The following KCNIP1 variants were observed in gnomAD, a reference collection of about 807,000 sequenced individuals.
The protein encoded by KCNIP1 is A-type potassium channel modulatory protein KCNIP1.
Under a neutral mutation model 33.0 loss-of-function variants are expected in KCNIP1, and 18 were observed. The ratio of observed to expected loss-of-function variants is 0.55; its 90% CI spans 0.38 to 0.81. The LOEUF (loss-of-function observed/expected upper bound fraction) is 0.81, where lower values mean the gene tolerates loss of function less well. KCNIP1 is among the 30% of genes least tolerant of loss of function. The probability of loss-of-function intolerance (pLI) is 0.00; values close to 1 mark genes in which losing one functional copy is unlikely to be tolerated. For missense variants in KCNIP1, 238 were observed against 271.6 expected (o/e 0.88, Z 0.87); for synonymous variants, 93 against 98.3 (o/e 0.95, Z 0.32).
chr5:170,451,723 TTG>T (rs67542248), intron 1 of KCNIP1, among the ~76,000 whole-genome samples: 14,754 of 122,608 alleles, frequency 0.12, 776 homozygotes, highest in Non-Finnish European at 0.14. Context: ...TTCTCCTGCA[TTG>T]TGTGTGTGTG....
chr5:170,688,619 A>G (rs1762620374), intron 1 of KCNIP1, among the ~76,000 whole-genome samples: 1 of 152,192 alleles, frequency 6.6e-6, no homozygotes, highest in South Asian at 2.1e-4. Context: ...CAATTCTCAA[A>G]GGATGGACTA....
chr5:170,670,913 AT>A (rs869092649), intron 1 of KCNIP1, among the ~76,000 whole-genome samples: 6 of 130,464 alleles, frequency 4.6e-5, no homozygotes, highest in Admixed American at 1.5e-4. Flanking sequence ...AAAAAAAAAA[AT>A]AAAAAAAAAA....
intron 1 of KCNIP1, among the ~76,000 whole-genome samples, chr5:170,710,282 T>C (rs186425537): frequency 2.0e-5 from 3 of 152,392 alleles, no homozygotes; most frequent in Admixed American, 1.3e-4. Context: ...AATTGGTCTG[T>C]TTAATTGTTA....
At chr5:170,549,892 G>T (rs1756545674) in intron 1 of KCNIP1, among the ~76,000 whole-genome samples, 2 of 152,146 alleles carry the variant, frequency 1.3e-5, no homozygotes, top group Admixed American at 1.3e-4. Flanking sequence ...TTTGTATGCT[G>T]TCAATGAACA....
chr5:170,462,452 T>C (rs1238801242), intron 1 of KCNIP1, among the ~76,000 whole-genome samples: 1 of 152,006 alleles, frequency 6.6e-6, no homozygotes, highest in African/African-American at 2.4e-5. Context: ...CTTGCAAGGA[T>C]GGCCATAATA....
Position 170,721,838 on chromosome 5 carries a change from A to G in KCNIP1, c.262A>G (p.Ser88Gly). 1.2e-6 allele frequency: 2 copies of G among 1,614,112 alleles called. No individual in the cohort carries two copies. The highest frequency in any genetic ancestry group is 1.7e-6 in the Non-Finnish European group (2 of 1,180,034). Reference sequence around the variant, plus strand: ...CCTCCTTTTCTGCCTTGTAGATGCCAGCACGTATGCCCATTACCTCTTCAA... The same window carrying G: ...CCTCCTTTTCTGCCTTGTAGATGCCGGCACGTATGCCCATTACCTCTTCAA... ...YAQFFPHGDA[S>G]TYAHYLFNAF... Residue 88 changes from serine (S) to glycine (G), a missense_variant, in exon 4 of 8, where the codon AGC becomes GGC. Ser to Gly is a moderately conservative substitution (Grantham distance 56, BLOSUM62 0). Transcript: ENST00000328939.
intron 1 of KCNIP1, among the ~76,000 whole-genome samples, chr5:170,388,220 T>C (rs1195782598): frequency 6.6e-6 from 1 of 152,236 alleles, no homozygotes; most frequent in African/African-American, 2.4e-5. Context: ...CCGTCTCTAA[T>C]GGTCTGATGA....
At chr5:170,371,882 C>T (rs1202088468) in intron 1 of KCNIP1, among the ~76,000 whole-genome samples, 2 of 151,894 alleles carry the variant, frequency 1.3e-5, no homozygotes, top group African/African-American at 4.8e-5. Context: ...GTGTTCTCCC[C>T]GACAATACTT....
rs368137837 is a variant in KCNIP1, at chr5:170,733,874, T to A, written c.579T>A (p.Asp193Glu). The change falls in exon 7 of 8, where the codon GAT becomes GAA. Residue 193 changes from aspartate to glutamate, a missense_variant. Asp to Glu is a conservative substitution (Grantham distance 45). Coordinates refer to ENST00000328939, the MANE Select transcript of KCNIP1 (RefSeq NM_014592.4). Reference protein sequence around the residue: ...DKNKDGIVTLDEFLESCQEDD... With the variant: ...DKNKDGIVTLEEFLESCQEDD... ...ATAAAGATGGCATCGTAACTTTAGA[T>A]GAATTTCTTGAATCATGTCAGGAGG... 3 of 1,613,772 alleles carry A rather than the reference T, an allele frequency of 1.9e-6. No individual in the cohort carries two copies. The East Asian group carries it at 6.7e-5, about 36-fold the overall frequency.
chr5:170,439,747 C>CA (rs1581194128), intron 1 of KCNIP1, among the ~76,000 whole-genome samples: 2 of 152,254 alleles, frequency 1.3e-5, no homozygotes, highest in African/African-American at 2.4e-5. Context: ...TCCCCTTCCC[C>CA]AGGCTTGGCA....
chr5:170,669,646 T>G (rs971550303), intron 1 of KCNIP1: 3 of 985,458 alleles, frequency 3.0e-6, no homozygotes, highest in Non-Finnish European at 3.6e-6. Flanking sequence ...ATCTCGGACT[T>G]CGGAGAGTTC....
At chr5:170,401,843 G>C (rs1052091678) in intron 1 of KCNIP1, among the ~76,000 whole-genome samples, 2 of 151,956 alleles carry the variant, frequency 1.3e-5, no homozygotes, top group South Asian at 2.1e-4. Context: ...GGCTCCCTAC[G>C]GTACTTTCAT....
At chr5:170,472,666 G>A (rs1371965959) in intron 1 of KCNIP1, among the ~76,000 whole-genome samples, 5 of 142,056 alleles carry the variant, frequency 3.5e-5, no homozygotes, top group African/African-American at 1.3e-4. Flanking sequence ...ACACATCAGT[G>A]AGAACATACG....
chr5:170,704,412 G>A (rs544309218), intron 1 of KCNIP1, among the ~76,000 whole-genome samples: 4 of 115,300 alleles, frequency 3.5e-5, no homozygotes, highest in African/African-American at 8.2e-5. Context: ...CTGAGCCTCC[G>A]TCTTCTCTTC....
chr5:170,604,427 G>A (rs1469128505), intron 1 of KCNIP1, among the ~76,000 whole-genome samples: 1 of 152,172 alleles, frequency 6.6e-6, no homozygotes, highest in Non-Finnish European at 1.5e-5. Flanking sequence ...AGGAACAGAA[G>A]AAAGGAACAG....
intron 1 of KCNIP1, among the ~76,000 whole-genome samples, chr5:170,437,473 C>T (rs1267113427): frequency 6.6e-6 from 1 of 152,232 alleles, no homozygotes; most frequent in Admixed American, 6.5e-5. Context: ...ACCTTCAAAT[C>T]TCTGCTCACC....
At chr5:170,598,098 G>A (rs1336856044) in intron 1 of KCNIP1, among the ~76,000 whole-genome samples, 5 of 152,112 alleles carry the variant, frequency 3.3e-5, no homozygotes, top group African/African-American at 9.7e-5. Context: ...AACTGCAGTC[G>A]CTGTCTCTAG....
chr5:170,730,140 A>C (rs993618825), intron 5 of KCNIP1, among the ~76,000 whole-genome samples: 1 of 152,140 alleles, frequency 6.6e-6, no homozygotes, highest in Non-Finnish European at 1.5e-5. Context: ...TCAATTTTAT[A>C]AACAACTAAA....
At position 170,504,182 on chromosome 5, in the gene KCNIP1, G is replaced by A; in HGVS notation, c.-391G>A. 1 of 1,016,598 alleles carries A rather than the reference G, an allele frequency of 9.8e-7. No individual in the cohort carries two copies. Among genetic ancestry groups the A allele is most frequent in the Non-Finnish European group, 1.2e-6 (1 of 851,154 alleles). The allele number at this position is 1,016,598 out of a possible 1,614,324, so 63.0% of individuals were successfully genotyped here. A position where few individuals can be genotyped will look rare whatever the true frequency, so the allele number is the denominator to read the frequency against. ...AGCCGAGTGTGCGGCAGGAGGGGCG[G>A]GCGGACGGCGGCTCCCGCACCGCAC... On this transcript the variant is annotated 5_prime_UTR_variant, in exon 1 of 8. Transcript: ENST00000328939. This position sits in a 1 kb window ranked among gnomAD's most constrained non-coding sequence, Gnocchi z 6.0.
Sources: allele counts gnomAD v4.1 joint callset (sites outside exome capture counted in the v4.1 genomes callset), GRCh38; gene constraint gnomAD v4.1.1; non-coding constraint Gnocchi (gnomAD v3.1); transcripts MANE v1.5; gene names NCBI Gene and HGNC (gene_info 2026-07-23, HGNC 2026-07-21).